Variants in AKAP19 observed in about 807,000 individuals in gnomAD.
AKAP19 encodes the protein A-kinase anchoring protein 19.
chr2:189,925,575 G>A, the AKAP19 span, among the ~76,000 whole-genome samples: 1 of 152,162 alleles, frequency 6.6e-6, no homozygotes, highest in Non-Finnish European at 1.5e-5. Flanking sequence ...AACTGGACAT[G>A]TCCATAGGTT....
chr2:189,962,554 A>T, the AKAP19 span, among the ~76,000 whole-genome samples: 14 of 152,224 alleles, frequency 9.2e-5, no homozygotes, highest in Non-Finnish European at 4.4e-5. Flanking sequence ...CTAAACAAAA[A>T]ATAATCAATT....
At chr2:189,921,450 A>C in the AKAP19 span, among the ~76,000 whole-genome samples, 1 of 152,222 alleles carries the variant, frequency 6.6e-6, no homozygotes, top group Non-Finnish European at 1.5e-5. Context: ...AAATAATTTC[A>C]TTGAAGTGAT....
At chr2:190,027,782 A>G in the AKAP19 span, among the ~76,000 whole-genome samples, 2 of 152,222 alleles carry the variant, frequency 1.3e-5, no homozygotes, top group Admixed American at 1.3e-4. Context: ...TTTTACAAGG[A>G]CTATAAGTAT....
At chr2:189,956,380 G>A in the AKAP19 span, among the ~76,000 whole-genome samples, 3 of 150,494 alleles carry the variant, frequency 2.0e-5, no homozygotes, top group South Asian at 2.1e-4. Flanking sequence ...CGTTTTAGCC[G>A]GGATGGTCTC....
chr2:189,943,042 G>A, the AKAP19 span, among the ~76,000 whole-genome samples: 14 of 152,360 alleles, frequency 9.2e-5, no homozygotes, highest in African/African-American at 3.1e-4. Flanking sequence ...AGGAATTCAA[G>A]CAGGCTGTGG....
At chr2:189,983,891 A>G in the AKAP19 span, among the ~76,000 whole-genome samples, 136,044 of 152,224 alleles carry the variant, frequency 0.89, 61,077 homozygotes, top group East Asian at 0.97. Context: ...GCATCCAGGG[A>G]AGACTTCACA....
chr2:190,116,849 A>G, the AKAP19 span, among the ~76,000 whole-genome samples: 2 of 152,180 alleles, frequency 1.3e-5, no homozygotes. Flanking sequence ...GCAGATTCAT[A>G]CTTTTTCCCC....
the AKAP19 span, among the ~76,000 whole-genome samples, chr2:190,119,549 C>T: frequency 3.3e-5 from 5 of 152,318 alleles, no homozygotes; most frequent in East Asian, 9.6e-4. Flanking sequence ...AGAGGACAAC[C>T]GTGAGAATCG....
chr2:189,909,856 T>C, the AKAP19 span, among the ~76,000 whole-genome samples: 1 of 152,102 alleles, frequency 6.6e-6, no homozygotes, highest in Non-Finnish European at 1.5e-5. Context: ...TGTATGTTTC[T>C]TGTATGTATC....
the AKAP19 span, among the ~76,000 whole-genome samples, chr2:190,079,048 A>G: frequency 2.0e-5 from 3 of 152,302 alleles, no homozygotes; most frequent in East Asian, 5.8e-4. Context: ...TAGATATTTC[A>G]TCCAGCTCTC....
the AKAP19 span, among the ~76,000 whole-genome samples, chr2:189,958,461 CAT>C: frequency 6.0e-5 from 9 of 150,156 alleles, no homozygotes; most frequent in African/African-American, 2.2e-4. Flanking sequence ...AATAATTTGA[CAT>C]AAATAATATA....
At chr2:189,893,087 C>T in the AKAP19 span, among the ~76,000 whole-genome samples, 1 of 152,184 alleles carries the variant, frequency 6.6e-6, no homozygotes, top group African/African-American at 2.4e-5. Flanking sequence ...CCTCCCCCTA[C>T]TGAGTTCAGG....
the AKAP19 span, among the ~76,000 whole-genome samples, chr2:189,927,709 A>G: frequency 6.6e-6 from 1 of 152,206 alleles, no homozygotes; most frequent in Non-Finnish European, 1.5e-5. Flanking sequence ...TGTAATCTTA[A>G]TACAGTCATC....
the AKAP19 span, among the ~76,000 whole-genome samples, chr2:189,964,732 G>A: frequency 6.6e-6 from 1 of 152,146 alleles, no homozygotes; most frequent in Non-Finnish European, 1.5e-5. Flanking sequence ...TTCTCCTGGA[G>A]CTTCTTTATC....
At chr2:190,050,826 G>A in the AKAP19 span, among the ~76,000 whole-genome samples, 1 of 152,160 alleles carries the variant, frequency 6.6e-6, no homozygotes, top group Admixed American at 6.5e-5. Context: ...TTTTTGTGAT[G>A]CCCTCCCTCA....
chr2:190,065,856 A>G, the AKAP19 span, among the ~76,000 whole-genome samples: 1 of 152,176 alleles, frequency 6.6e-6, no homozygotes, highest in Non-Finnish European at 1.5e-5. Flanking sequence ...AATTTAAGTA[A>G]GTTTTATTCC....
the AKAP19 span, among the ~76,000 whole-genome samples, chr2:189,979,496 A>G: frequency 1.3e-5 from 2 of 152,200 alleles, no homozygotes; most frequent in Non-Finnish European, 2.9e-5. Context: ...AAGTAGGAAA[A>G]ACTCTTCTGG....
At chr2:189,938,868 A>T in the AKAP19 span, among the ~76,000 whole-genome samples, 8 of 152,168 alleles carry the variant, frequency 5.3e-5, no homozygotes, top group African/African-American at 1.9e-4. Context: ...AAATATTAAA[A>T]AATTTGAGTA....
the AKAP19 span, among the ~76,000 whole-genome samples, chr2:190,049,679 A>G: frequency 3.3e-5 from 5 of 152,256 alleles, no homozygotes; most frequent in African/African-American, 9.6e-5. Context: ...CTTCACTGAT[A>G]TTACTAAGCT....
Sources: gnomAD v4.1 joint callset for allele counts (sites outside exome capture counted in the v4.1 genomes callset) on GRCh38, gnomAD v4.1.1 for gene constraint, MANE v1.5 for transcripts, NCBI Gene and HGNC (gene_info 2026-07-23, HGNC 2026-07-21) for gene names.